ZNF682: variants seen among roughly 807,000 people sequenced by gnomAD.
The protein encoded by ZNF682 is zinc finger protein 682.
In ZNF682, 29 loss-of-function variants were observed where a neutral mutation model predicts 36.5. That is an observed-to-expected ratio of 0.80 (90% CI 0.59 to 1.08). The LOEUF is 1.08. ZNF682 is among the 50% of genes least tolerant of loss of function. ZNF682 has a pLI of 0.00. For missense variants in ZNF682, 561 were observed against 579.7 expected (o/e 0.97, Z 0.33); for synonymous variants, 180 against 197.0 (o/e 0.91, Z 0.72).
At chr19:20,018,037 A>ATT (rs905575129) in intron 3 of ZNF682, among the ~76,000 whole-genome samples, 8 of 50,556 alleles carry the variant, frequency 1.6e-4, no homozygotes, top group African/African-American at 3.7e-4. Context: ...GGTAGTTTTT[A>ATT]TTTTTTTTTT....
chr19:20,007,357 T>G (rs1568538187), intron 3 of ZNF682, 82 bp from the exon 4 acceptor site: 2 of 1,316,476 alleles, frequency 1.5e-6, no homozygotes, highest in Non-Finnish European at 2.0e-6. Flanking sequence ...ATACAGAAAA[T>G]TAAGAAAAGG....
chr19:20,037,787 A>G (rs1165990597), intron 1 of ZNF682, among the ~76,000 whole-genome samples: 1 of 152,156 alleles, frequency 6.6e-6, no homozygotes, highest in Admixed American at 6.5e-5. Flanking sequence ...CCTCAATACT[A>G]GCATCCAAAT....
At chr19:20,013,668 T>C (rs915617953) in intron 3 of ZNF682, among the ~76,000 whole-genome samples, 8 of 152,142 alleles carry the variant, frequency 5.3e-5, no homozygotes, top group Non-Finnish European at 4.4e-5. Context: ...ACAACCTCCA[T>C]CTCTTGGGTT....
At chr19:20,008,380 A>G (rs180917582) in intron 3 of ZNF682, among the ~76,000 whole-genome samples, 1 of 152,234 alleles carries the variant, frequency 6.6e-6, no homozygotes, top group Non-Finnish European at 1.5e-5. Flanking sequence ...GCCTGCTCCC[A>G]GGGAAGACAC....
At chr19:20,012,783 A>G (rs1408824534) in intron 3 of ZNF682, among the ~76,000 whole-genome samples, 1 of 151,408 alleles carries the variant, frequency 6.6e-6, no homozygotes, top group African/African-American at 2.4e-5. Flanking sequence ...AAAAAAAAAA[A>G]AAAGAAATTT....
At chr19:19,996,062 G>A (rs1471023364), downstream of ZNF682, among the ~76,000 whole-genome samples, 2 of 152,150 alleles carry the variant, frequency 1.3e-5, no homozygotes, top group Non-Finnish European at 2.9e-5. Context: ...AGAGACCTTG[G>A]TTCATTGTAT....
chr19:20,026,464 C>CTTTA (rs748064122), intron 1 of ZNF682, among the ~76,000 whole-genome samples: 2 of 151,910 alleles, frequency 1.3e-5, no homozygotes, highest in Admixed American at 6.6e-5. Context: ...ACAAAGAGAA[C>CTTTA]TTTATTTATT....
intron 1 of ZNF682, among the ~76,000 whole-genome samples, chr19:20,030,143 T>C (rs1277583209): frequency 3.3e-5 from 5 of 152,190 alleles, no homozygotes; most frequent in African/African-American, 7.2e-5. Flanking sequence ...GTGATTTTAA[T>C]CTATTTCACC....
At chr19:20,034,933 C>T (rs998744861) in intron 1 of ZNF682, among the ~76,000 whole-genome samples, 1 of 152,026 alleles carries the variant, frequency 6.6e-6, no homozygotes. Context: ...CCCGTCTCTA[C>T]TAAAATCCAA....
intron 1 of ZNF682, 29 bp downstream of exon 1, chr19:20,039,314 C>A: frequency 6.2e-7 from 1 of 1,611,656 alleles, no homozygotes; most frequent in South Asian, 1.1e-5. Context: ...CCTGCCCCCA[C>A]CTCGGGATGC....
downstream of ZNF682, among the ~76,000 whole-genome samples, chr19:20,003,265 G>GA (rs1221514061): frequency 8.9e-5 from 12 of 135,324 alleles, no homozygotes; most frequent in East Asian, 6.6e-4. Flanking sequence ...TTCTCCAATT[G>GA]AAAAAAAATG....
chr19:20,028,866 CAT>C (rs888564834), intron 1 of ZNF682, among the ~76,000 whole-genome samples: 2 of 152,116 alleles, frequency 1.3e-5, no homozygotes, highest in Admixed American at 6.6e-5. Flanking sequence ...GGGAAGATGA[CAT>C]AATGTGAATT....
intron 1 of ZNF682, among the ~76,000 whole-genome samples, chr19:20,037,525 T>C (rs1261489805): frequency 6.6e-6 from 1 of 152,170 alleles, no homozygotes; most frequent in Non-Finnish European, 1.5e-5. Context: ...GAAGCGGCAA[T>C]ACTGATTGGA....
rs930831560 is a variant in ZNF682 at position 20,004,502 on chromosome 19, T to C, written c.*1503A>G. On this transcript the variant is annotated 3_prime_UTR_variant, in exon 4 of 4. Coordinates refer to ENST00000397165, the MANE Select transcript of ZNF682 (RefSeq NM_033196.3). Reference sequence around the variant, plus strand: ...TTACAAAATCCACTATACTATCTAATGTGCAATTGGTAAAACAATTTACTA... The same window carrying C: ...TTACAAAATCCACTATACTATCTAACGTGCAATTGGTAAAACAATTTACTA... The C allele has an allele frequency of 3.3e-5, 5 of 152,232 alleles. No individual in the cohort carries two copies. Among genetic ancestry groups the C allele is most frequent in the Non-Finnish European group, 2.9e-5 (2 of 68,034 alleles). The allele number at this position is 152,232 out of a possible 1,614,324, so 9.4% of individuals were successfully genotyped here. A position where few individuals can be genotyped will look rare whatever the true frequency, so the allele number is the denominator to read the frequency against.
downstream of ZNF682, among the ~76,000 whole-genome samples, chr19:20,003,364 CAAT>C (rs2088183828): frequency 6.6e-6 from 1 of 151,434 alleles, no homozygotes; most frequent in Non-Finnish European, 1.5e-5. Flanking sequence ...AAAATTATTC[CAAT>C]AATTCCCGAG....
At chr19:20,036,765 G>C (rs1230588313) in intron 1 of ZNF682, among the ~76,000 whole-genome samples, 1 of 140,668 alleles carries the variant, frequency 7.1e-6, no homozygotes, top group Non-Finnish European at 1.5e-5. Flanking sequence ...CCAGGTGTTC[G>C]ACACCAGTTC....
chr19:20,030,390 T>G (rs750042390), intron 1 of ZNF682, among the ~76,000 whole-genome samples: 7 of 151,898 alleles, frequency 4.6e-5, no homozygotes, highest in Non-Finnish European at 7.4e-5. Context: ...GCCAATATGG[T>G]GAAATCCCAT....
intron 3 of ZNF682, among the ~76,000 whole-genome samples, chr19:20,018,933 CA>C (rs1490945032): frequency 6.6e-6 from 1 of 152,032 alleles, no homozygotes; most frequent in African/African-American, 2.4e-5. Context: ...TTCTGCACAT[CA>C]AAGGAAAAAT....
rs543363327 is a variant in ZNF682 at position 20,022,931 on chromosome 19, CTCTT to C, written c.226+69_226+72del. ...CATTGGAGCAGAGCTTCTCAAATAACTCTTGAAGTCTGTCTTCCTTCTTGGCCTT... is the reference window on the plus strand; with the variant it reads ...CATTGGAGCAGAGCTTCTCAAATAACGAAGTCTGTCTTCCTTCTTGGCCTT... On this transcript the variant is annotated intron_variant, in intron 3 of 3. Coordinates refer to ENST00000397165, the MANE Select transcript of ZNF682 (RefSeq NM_033196.3). The C allele has an allele frequency of 9.2e-4, 1,160 of 1,261,424 alleles. 13 individuals are homozygous for C. In the South Asian group the frequency reaches 0.014, roughly 15 times the overall value. 78.1% of individuals were successfully genotyped at this position (1,261,424 alleles called of 1,614,324 possible). A position where few individuals can be genotyped will look rare whatever the true frequency, so the allele number is the denominator to read the frequency against.
Sources: gnomAD v4.1 joint callset for allele counts (sites outside exome capture counted in the v4.1 genomes callset) on GRCh38, gnomAD v4.1.1 for gene constraint, MANE v1.5 for transcripts, NCBI Gene and HGNC (gene_info 2026-07-23, HGNC 2026-07-21) for gene names.